Variants in CD99 observed in about 807,000 individuals in gnomAD.
CD99 encodes the protein CD99 antigen.
A neutral mutation model predicts 28.4 loss-of-function variants in CD99; 19 were observed. That is an observed-to-expected ratio of 0.67 (90% CI 0.47 to 0.98). The LOEUF is 0.98. Ranked by LOEUF, CD99 falls within the 50% of genes least tolerant of loss-of-function variation. The pLI is 0.00. For synonymous variants in CD99, 103 were observed against 92.1 expected (o/e 1.12, Z -0.67); for missense variants, 283 against 248.8 (o/e 1.14, Z -0.92).
At chrX:2,706,652 C>T (rs947444280) in intron 1 of CD99, among the ~76,000 whole-genome samples, 7 of 152,068 alleles carry the variant, frequency 4.6e-5, no homozygotes, top group Admixed American at 3.9e-4. Flanking sequence ...GGTCTTCATC[C>T]TCCCACCCTT....
At chrX:2,737,019 C>T (rs1460974000) in intron 8 of CD99, among the ~76,000 whole-genome samples, 1 of 151,910 alleles carries the variant, frequency 6.6e-6, no homozygotes, top group Non-Finnish European at 1.5e-5. Flanking sequence ...TCGGAGTCCT[C>T]ACTCACCTCT....
chrX:2,719,407 CCTCTCCTCTGAGAGCTT>C, intron 3 of CD99: 1 of 509,104 alleles, frequency 2.0e-6, no homozygotes, highest in Non-Finnish European at 3.5e-6. Context: ...CTCCCCACTG[CCTCTCCTCTGAGAGCTT>C]CTCTCCTAGC....
chrX:2,719,777 G>T, intron 4 of CD99, 72 bp downstream of exon 4: 1 of 1,466,226 alleles, frequency 6.8e-7, no homozygotes, highest in Non-Finnish European at 9.6e-7. Flanking sequence ...ATTTCAGAGA[G>T]AATTCTCCCA....
chrX:2,741,027 T>G lies in CD99; in HGVS notation c.*223T>G. ...GGGGGATAGGCACTTGGACCCCCATTCTCCAAGGCCCGGGGGGGCGGTTTC... is the reference window on the plus strand; with the variant it reads ...GGGGGATAGGCACTTGGACCCCCATGCTCCAAGGCCCGGGGGGGCGGTTTC... On this transcript the variant is annotated 3_prime_UTR_variant, in exon 10 of 10. Coordinates refer to ENST00000381192, the MANE Select transcript of CD99 (RefSeq NM_002414.5). The G allele has an allele frequency of 1.7e-6, 1 of 597,560 alleles. No individual in the cohort carries two copies. The highest frequency in any genetic ancestry group is 3.0e-6 in the Non-Finnish European group (1 of 332,364). 37.0% of individuals were successfully genotyped at this position (597,560 alleles called of 1,614,324 possible).
chrX:2,711,282 A>G (rs1470588025), intron 1 of CD99, among the ~76,000 whole-genome samples: 2 of 148,130 alleles, frequency 1.4e-5, no homozygotes, highest in East Asian at 1.9e-4. Context: ...TAATTCGTAT[A>G]TATAGTATGT....
intron 5 of CD99, among the ~76,000 whole-genome samples, chrX:2,720,743 G>T (rs1320941217): frequency 6.8e-6 from 1 of 147,724 alleles, no homozygotes; most frequent in East Asian, 2.1e-4. Flanking sequence ...TCCTGCATCA[G>T]CCTCCTGAGT....
chrX:2,724,341 C>T (rs2049161200), intron 7 of CD99, among the ~76,000 whole-genome samples: 1 of 152,174 alleles, frequency 6.6e-6, no homozygotes. Context: ...AGTGAACACA[C>T]CACCGACAGG....
At chrX:2,701,968 A>G (rs992797317) in intron 1 of CD99, among the ~76,000 whole-genome samples, 1 of 152,246 alleles carries the variant, frequency 6.6e-6, no homozygotes, top group African/African-American at 2.4e-5. Context: ...GCTTTAAAAT[A>G]TAGATGCCTG....
chrX:2,729,260 A>G (rs747554522), intron 8 of CD99, among the ~76,000 whole-genome samples: 1 of 152,324 alleles, frequency 6.6e-6, no homozygotes, highest in South Asian at 2.1e-4. Context: ...AAGGATGTTT[A>G]TTACCTTGTG....
In CD99 at chrX:2,698,449, G is replaced by A. The variant is rs184997171; in HGVS notation, c.67+7022G>A. Among the ~76,000 whole-genome samples, 135 of 151,976 alleles carry A rather than the reference G, an allele frequency of 8.9e-4. 1 individual carries two copies. The highest frequency in any genetic ancestry group is 3.1e-3 in the African/African-American group (127 of 41,444). On this transcript the variant is annotated intron_variant, in intron 1 of 9. Coordinates refer to ENST00000381192, the MANE Select transcript of CD99 (RefSeq NM_002414.5). The stretch of plus-strand genomic sequence containing the variant: ...TTCCCAAAGTGCTGGGGTTACAGGC[G>A]TGAGCCACCATGCTCAGCCTGCAAT...
chrX:2,722,177 T>G (rs181462152), intron 5 of CD99, among the ~76,000 whole-genome samples: 1 of 152,316 alleles, frequency 6.6e-6, no homozygotes, highest in East Asian at 1.9e-4. Context: ...ATACTTCTTA[T>G]TTTGTGTATT....
At chrX:2,733,044 C>A (rs940340944) in intron 8 of CD99, among the ~76,000 whole-genome samples, 2 of 137,006 alleles carry the variant, frequency 1.5e-5, no homozygotes, top group African/African-American at 5.9e-5. Context: ...AACCTCCTTC[C>A]CTCCTCGTTC....
intron 1 of CD99, among the ~76,000 whole-genome samples, chrX:2,699,882 G>A (rs1199130370): frequency 1.3e-5 from 2 of 152,128 alleles, no homozygotes; most frequent in African/African-American, 4.8e-5. Flanking sequence ...ACCGCCTCTC[G>A]GATGTGAATG....
chrX:2,730,175 CTTTT>C (rs58977521), intron 8 of CD99, among the ~76,000 whole-genome samples: 2 of 139,648 alleles, frequency 1.4e-5, no homozygotes, highest in Non-Finnish European at 3.1e-5. Context: ...ATAAAAATAC[CTTTT>C]TTTTTTTTTT....
At chrX:2,695,738 A>G (rs965388131) in intron 1 of CD99, among the ~76,000 whole-genome samples, 8 of 151,300 alleles carry the variant, frequency 5.3e-5, no homozygotes, top group South Asian at 4.2e-4. Flanking sequence ...GGCTCAGGCA[A>G]TTCTCCTGCC....
Position 2,703,524 on chromosome X carries a change from C to T in CD99, c.68-10898C>T, listed in dbSNP as rs150538172. Reference sequence around the variant, plus strand: ...TACGTGGGAGCAATAGTTCACTATTCGCTAATTCAGTGTTCGCTGAGACTT... The same window carrying T: ...TACGTGGGAGCAATAGTTCACTATTTGCTAATTCAGTGTTCGCTGAGACTT... On this transcript the variant is annotated intron_variant, in intron 1 of 9. Transcript: ENST00000381192. 6.3e-3 allele frequency among the ~76,000 whole-genome samples: 962 copies of T among 151,990 alleles called. 11 individuals carry two copies. The highest frequency in any genetic ancestry group is 0.022 in the African/African-American group (905 of 41,422).
At chrX:2,739,734 A>G (rs1218654625) in intron 9 of CD99, among the ~76,000 whole-genome samples, 1 of 150,306 alleles carries the variant, frequency 6.7e-6, no homozygotes, top group African/African-American at 2.4e-5. Flanking sequence ...GATTACAGGC[A>G]TGAGCCACCG....
intron 8 of CD99, chrX:2,733,497 C>T (rs41310264): frequency 0.022 from 22,374 of 1,008,672 alleles, 334 homozygotes; most frequent in Middle Eastern, 0.03. Context: ...GGCAAATTCC[C>T]ACCACGATGG....
At chrX:2,691,799 C>T in intron 1 of CD99, 1 of 774,478 alleles carries the variant, frequency 1.3e-6, no homozygotes. Context: ...GTTTGGGGAC[C>T]TGCGTCTTCA....
Sources: gnomAD v4.1 joint callset for allele counts (sites outside exome capture counted in the v4.1 genomes callset) on GRCh38, gnomAD v4.1.1 for gene constraint, MANE v1.5 for transcripts, NCBI Gene and HGNC (gene_info 2026-07-23, HGNC 2026-07-21) for gene names.